NFIX: variants seen among roughly 807,000 people sequenced by gnomAD.
NFIX encodes nuclear factor 1 X-type.
A neutral mutation model predicts 53.3 loss-of-function variants in NFIX; 2 were observed. That is an observed-to-expected ratio of 0.04 (90% CI 0.02 to 0.12). NFIX has a LOEUF of 0.12. Among genes scored for constraint, NFIX ranks in the 10% least tolerant of loss-of-function variants. NFIX has a pLI of 1.00. For synonymous variants in NFIX, 244 were observed against 289.0 expected (o/e 0.84, Z 1.58); for missense variants, 310 against 674.5 (o/e 0.46, Z 5.99).
At chr19:12,997,686 G>A (rs1345519826) in intron 1 of NFIX, among the ~76,000 whole-genome samples, 4 of 151,470 alleles carry the variant, frequency 2.6e-5, no homozygotes, top group Non-Finnish European at 5.9e-5. Context: ...CTGCCAGCCC[G>A]GCCTCCCATG....
intron 1 of NFIX, chr19:13,024,466 C>G: frequency 6.8e-7 from 1 of 1,467,210 alleles, no homozygotes; most frequent in African/African-American, 1.4e-5. Flanking sequence ...TTTCCTCACT[C>G]GCTTGCTCGT....
chr19:13,058,508 G>A (rs1224727469), intron 2 of NFIX, among the ~76,000 whole-genome samples: 1 of 148,868 alleles, frequency 6.7e-6, no homozygotes, highest in Non-Finnish European at 1.5e-5. Context: ...AGGGGTGGTA[G>A]CATGCACCTG....
chr19:12,997,056 G>C (rs2011495477), intron 1 of NFIX, among the ~76,000 whole-genome samples: 1 of 152,354 alleles, frequency 6.6e-6, no homozygotes, highest in South Asian at 2.1e-4. Flanking sequence ...GCATGTGGGG[G>C]TTCTCTAGGC....
chr19:13,006,974 C>T lies in NFIX; in HGVS notation c.27+11110C>T, dbSNP rs2012052149. ...TGGGGAAGTGCTGGGCGCCTCCAGG[C>T]CCCTGCTTGTCCCGTGCCACCTGGG... On this transcript the variant is annotated intron_variant, in intron 1 of 10. Coordinates refer to ENST00000592199, the MANE Select transcript of NFIX (RefSeq NM_001365902.3). The surrounding 1 kb of genome is among the most constrained non-coding windows in gnomAD (Gnocchi z 5.6). Among the ~76,000 whole-genome samples the T allele has an allele frequency of 6.6e-6, 1 of 152,186 alleles. No individual in the cohort carries two copies. Among genetic ancestry groups the T allele is most frequent in the African/African-American group, 2.4e-5 (1 of 41,452 alleles).
At chr19:13,046,871 G>C (rs995146300) in intron 2 of NFIX, among the ~76,000 whole-genome samples, 2 of 152,178 alleles carry the variant, frequency 1.3e-5, no homozygotes, top group African/African-American at 4.8e-5. Context: ...AAATCACAGA[G>C]CCTGATCAGG....
rs971884450 is a variant in NFIX, at chr19:13,037,035, G to A, written c.559+11483G>A. Among the ~76,000 whole-genome samples, 1 of 152,164 alleles carries A rather than the reference G, an allele frequency of 6.6e-6. No individual in the cohort carries two copies. Among genetic ancestry groups the A allele is most frequent in the Non-Finnish European group, 1.5e-5 (1 of 68,014 alleles). On this transcript the variant is annotated intron_variant, in intron 2 of 10. Coordinates refer to ENST00000592199, the MANE Select transcript of NFIX (RefSeq NM_001365902.3). The surrounding 1 kb of genome is among the most constrained non-coding windows in gnomAD (Gnocchi z 4.2). ...GTGCTAAGCCTGGGCTGAACAGGGT[G>A]AGGTCTCCTGGGCAGAGTCCTTAAT...
At chr19:13,008,484 G>A (rs1188953607) in intron 1 of NFIX, among the ~76,000 whole-genome samples, 2 of 152,176 alleles carry the variant, frequency 1.3e-5, no homozygotes, top group Non-Finnish European at 2.9e-5. Context: ...GGGGTTCTCC[G>A]GGTCCCGGGA....
In NFIX at chr19:13,097,963, A is replaced by C. The variant is rs2018562625; in HGVS notation, c.*3314A>C. On this transcript the variant is annotated 3_prime_UTR_variant, in exon 11 of 11. Coordinates refer to ENST00000592199, the MANE Select transcript of NFIX (RefSeq NM_001365902.3). ...CCCAGGCCCGCGCCCGCACGCACGC[A>C]CGCACACGGCCCCGCACACAGCCCC... 2 of 154,274 alleles carry C rather than the reference A, an allele frequency of 1.3e-5. No individual in the cohort carries two copies. Among genetic ancestry groups the C allele is most frequent in the Non-Finnish European group, 2.9e-5 (2 of 69,848 alleles). The allele number at this position is 154,274 out of a possible 1,614,324, so 9.6% of individuals were successfully genotyped here.
rs918472620 is a variant in NFIX, at chr19:13,025,880, G to A, written c.559+328G>A. On this transcript the variant is annotated intron_variant, in intron 2 of 10. Coordinates refer to ENST00000592199, the MANE Select transcript of NFIX (RefSeq NM_001365902.3). This position sits in a 1 kb window ranked among gnomAD's most constrained non-coding sequence, Gnocchi z 7.5. ...TGCCCCCAGAATTATCCATGATGGT[G>A]AGAGTTTGAGATGAACAACAACAGC... Among the ~76,000 whole-genome samples the A allele has an allele frequency of 6.6e-6, 1 of 152,216 alleles. No homozygotes were observed. Among genetic ancestry groups the A allele is most frequent in the Non-Finnish European group, 1.5e-5 (1 of 68,044 alleles).
rs2016865959 is a variant in NFIX at position 13,073,132 on chromosome 19, G to C, written c.622+23G>C. ...ACGGTCAGTGCCCCCCACCTGCCCA[G>C]CTGCCCTTATCCTTCATGCCCCTCC... On this transcript the variant is annotated intron_variant, in intron 3 of 10. Transcript: ENST00000592199. This position sits in a 1 kb window ranked among gnomAD's most constrained non-coding sequence, Gnocchi z 4.5. 6.2e-7 allele frequency: 1 copy of C among 1,613,028 alleles called. No individual in the cohort carries two copies. The highest frequency in any genetic ancestry group is 1.3e-5 in the African/African-American group (1 of 75,000).
rs1407242264 is a variant in NFIX at position 13,052,482 on chromosome 19, C to T, written c.560-20565C>T. Among the ~76,000 whole-genome samples the T allele has an allele frequency of 2.6e-5, 4 of 152,196 alleles. No homozygotes were observed. Among genetic ancestry groups the T allele is most frequent in the African/African-American group, 9.7e-5 (4 of 41,448 alleles). ...ATGCAGGAGCTGCCAGGCAGGACCA[C>T]CATGAGTCACTGGGGGTCATGCCAG... On this transcript the variant is annotated intron_variant, in intron 2 of 10. Coordinates refer to ENST00000592199, the MANE Select transcript of NFIX (RefSeq NM_001365902.3). This position sits in a 1 kb window ranked among gnomAD's most constrained non-coding sequence, Gnocchi z 5.2.
rs957405259 is a variant in NFIX, at chr19:13,051,127, C to CT, written c.560-21918dup. On this transcript the variant is annotated intron_variant, in intron 2 of 10. Transcript: ENST00000592199. This position sits in a 1 kb window ranked among gnomAD's most constrained non-coding sequence, Gnocchi z 5.1. Reference sequence around the variant, plus strand: ...GAGCCACGGAGTAGCTGCCCCATGGCTTGGGTACTGTGCTGCAGATCTCAT... The same window carrying CT: ...GAGCCACGGAGTAGCTGCCCCATGGCTTTGGGTACTGTGCTGCAGATCTCAT... 6.6e-6 allele frequency among the ~76,000 whole-genome samples: 1 copy of CT among 152,228 alleles called. No homozygotes were observed. Among genetic ancestry groups the CT allele is most frequent in the African/African-American group, 2.4e-5 (1 of 41,456 alleles).
chr19:13,030,580 C>T (rs1398287490), intron 2 of NFIX, among the ~76,000 whole-genome samples: 1 of 152,212 alleles, frequency 6.6e-6, no homozygotes, highest in Non-Finnish European at 1.5e-5. Context: ...AAGCTGTCTC[C>T]TCTCCAGCCT....
chr19:13,088,316 C>A lies in NFIX; in HGVS notation c.1402+180C>A, dbSNP rs1477807455. Among the ~76,000 whole-genome samples, 2 of 152,004 alleles carry A rather than the reference C, an allele frequency of 1.3e-5. No homozygotes were observed. Among genetic ancestry groups the A allele is most frequent in the African/African-American group, 4.8e-5 (2 of 41,400 alleles). On this transcript the variant is annotated intron_variant, in intron 9 of 10. Coordinates refer to ENST00000592199, the MANE Select transcript of NFIX (RefSeq NM_001365902.3). The surrounding 1 kb of genome is among the most constrained non-coding windows in gnomAD (Gnocchi z 5.9). The stretch of plus-strand genomic sequence containing the variant: ...CAGCCTCCCTCCCGGGCCTCAGTCG[C>A]ACCAGCCAGCACCCCACGAGCCCCC...
intron 1 of NFIX, among the ~76,000 whole-genome samples, chr19:13,007,999 A>G (rs2012121880): frequency 6.6e-6 from 1 of 152,026 alleles, no homozygotes; most frequent in South Asian, 2.1e-4. Context: ...TGGCCTAAAC[A>G]CCAGGTACAG....
At position 13,073,116 on chromosome 19, in the gene NFIX, G is replaced by T. The variant is rs1466083846; in HGVS notation, c.622+7G>T. 1 of 1,613,810 alleles carries T rather than the reference G, an allele frequency of 6.2e-7. No individual in the cohort carries two copies. The highest frequency in any genetic ancestry group is 1.7e-5 in the Admixed American group (1 of 60,012). ...ATCAAACCACTGCCCAACGGTCAGTGCCCCCCACCTGCCCAGCTGCCCTTA... is the reference window on the plus strand; with the variant it reads ...ATCAAACCACTGCCCAACGGTCAGTTCCCCCCACCTGCCCAGCTGCCCTTA... On this transcript the variant is annotated splice_region_variant and intron_variant, in intron 3 of 10. Transcript: ENST00000592199. This position sits in a 1 kb window ranked among gnomAD's most constrained non-coding sequence, Gnocchi z 4.5.
Position 13,060,229 on chromosome 19 carries a change from G to C in NFIX, c.560-12818G>C, listed in dbSNP as rs994034831. Among the ~76,000 whole-genome samples the C allele has an allele frequency of 6.6e-5, 10 of 152,348 alleles. No homozygotes were observed. The highest frequency in any genetic ancestry group is 2.4e-4 in the African/African-American group (10 of 41,582). ...CTCTGGCTGCTCCTTGGAGAACAGA[G>C]TGGATGAACTCAGTCCCCACCTCTC... On this transcript the variant is annotated intron_variant, in intron 2 of 10. Coordinates refer to ENST00000592199, the MANE Select transcript of NFIX (RefSeq NM_001365902.3). This position sits in a 1 kb window ranked among gnomAD's most constrained non-coding sequence, Gnocchi z 4.3.
intron 6 of NFIX, among the ~76,000 whole-genome samples, chr19:13,075,996 G>A (rs1034640409): frequency 1.3e-5 from 2 of 152,112 alleles, no homozygotes; most frequent in African/African-American, 2.4e-5. Flanking sequence ...GCCCCACCCC[G>A]TGGCCTCATG....
At position 12,998,314 on chromosome 19, in the gene NFIX, C is replaced by G. The variant is rs961483236; in HGVS notation, c.27+2450C>G. Among the ~76,000 whole-genome samples the G allele has an allele frequency of 3.3e-4, 50 of 152,084 alleles. No individual in the cohort carries two copies. The highest frequency in any genetic ancestry group is 6.0e-4 in the Non-Finnish European group (41 of 68,008). On this transcript the variant is annotated intron_variant, in intron 1 of 10. Transcript: ENST00000592199. This position sits in a 1 kb window ranked among gnomAD's most constrained non-coding sequence, Gnocchi z 4.4. ...CTCTCTCTGTCTCTCTGGCCTGCCTCTCTCTCTTTCCCTCTCTCTCTCTCC... is the reference window on the plus strand; with the variant it reads ...CTCTCTCTGTCTCTCTGGCCTGCCTGTCTCTCTTTCCCTCTCTCTCTCTCC...
Sources: allele counts gnomAD v4.1 joint callset (sites outside exome capture counted in the v4.1 genomes callset), GRCh38; gene constraint gnomAD v4.1.1; non-coding constraint Gnocchi (gnomAD v3.1); transcripts MANE v1.5; gene names NCBI Gene and HGNC (gene_info 2026-07-23, HGNC 2026-07-21).